SIPA1L1: variants seen among roughly 807,000 people sequenced by gnomAD.
SIPA1L1 encodes the protein signal-induced proliferation-associated 1-like protein 1.
In SIPA1L1, 26 loss-of-function variants were observed where a neutral mutation model predicts 162.7. The ratio of observed to expected loss-of-function variants is 0.16; its 90% CI spans 0.12 to 0.22. SIPA1L1 has a LOEUF of 0.22. Among genes scored for constraint, SIPA1L1 ranks in the 10% least tolerant of loss-of-function variants. The pLI is 1.00. For synonymous variants in SIPA1L1, 829 were observed against 837.4 expected, an observed-to-expected ratio of 0.99 and a Z score of 0.17; for missense variants, 1,874 against 2,241.0, an observed-to-expected ratio of 0.84 and a Z score of 3.31.
intron 2 of SIPA1L1, among the ~76,000 whole-genome samples, chr14:71,481,529 G>T (rs77132132): frequency 6.6e-6 from 1 of 151,326 alleles, no homozygotes; most frequent in Non-Finnish European, 1.5e-5. Context: ...AAAAAAAAAA[G>T]TCCCCAAAAA....
Position 71,447,893 on chromosome 14 carries a change from G to C in SIPA1L1, c.-464-64850G>C, listed in dbSNP as rs185761206. ...CTACTATTGATTTTTTTGTTAGAGT[G>C]GTATCCAGAATATTCATTTAATGTG... On this transcript the variant is annotated intron_variant, in intron 2 of 23. Coordinates refer to ENST00000381232, the MANE Select transcript of SIPA1L1 (RefSeq NM_001386936.1). 4.0e-3 allele frequency among the ~76,000 whole-genome samples: 604 copies of C among 152,072 alleles called. 11 individuals are homozygous for C. Among genetic ancestry groups the C allele is most frequent in the Middle Eastern group, 0.017 (5 of 294 alleles).
chr14:71,392,761 C>T (rs1039434688), intron 2 of SIPA1L1, among the ~76,000 whole-genome samples: 1 of 152,184 alleles, frequency 6.6e-6, no homozygotes, highest in Non-Finnish European at 1.5e-5. Flanking sequence ...TCTCAATCTC[C>T]TAACCTCGTG....
intron 2 of SIPA1L1, among the ~76,000 whole-genome samples, chr14:71,435,908 G>C (rs780205896): frequency 1.1e-4 from 16 of 152,124 alleles, no homozygotes; most frequent in Non-Finnish European, 1.8e-4. Flanking sequence ...GTTTTGATTT[G>C]CATTTCTCTG....
chr14:71,662,578 C>G (rs756018148), intron 10 of SIPA1L1, among the ~76,000 whole-genome samples: 7 of 152,200 alleles, frequency 4.6e-5, no homozygotes, highest in African/African-American at 9.7e-5. Context: ...CAGTTTGATT[C>G]TAGAGCCCAG....
intron 17 of SIPA1L1, among the ~76,000 whole-genome samples, chr14:71,720,282 G>C (rs576719797): frequency 3.3e-4 from 50 of 152,188 alleles, no homozygotes; most frequent in African/African-American, 1.2e-3. Context: ...ATAATTCTTA[G>C]ATTTACCCTT....
intron 2 of SIPA1L1, among the ~76,000 whole-genome samples, chr14:71,373,692 A>G (rs1263641859): frequency 6.6e-6 from 1 of 151,934 alleles, no homozygotes; most frequent in African/African-American, 2.4e-5. Flanking sequence ...GTATTTAAAA[A>G]TGTATATACT....
At chr14:71,614,777 G>C (rs973395278) in intron 5 of SIPA1L1, among the ~76,000 whole-genome samples, 6 of 152,126 alleles carry the variant, frequency 3.9e-5, no homozygotes, top group African/African-American at 1.4e-4. Context: ...ACAAAAAAAT[G>C]TAGTCAGGTT....
At chr14:71,325,862 C>T (rs984965394) in intron 2 of SIPA1L1, among the ~76,000 whole-genome samples, 5 of 152,020 alleles carry the variant, frequency 3.3e-5, no homozygotes, top group Admixed American at 1.3e-4. Flanking sequence ...GTTGAAATTG[C>T]GGGAAGCAGG....
chr14:71,608,894 A>G (rs893313191), intron 5 of SIPA1L1, among the ~76,000 whole-genome samples: 19 of 152,186 alleles, frequency 1.2e-4, no homozygotes, highest in Non-Finnish European at 2.4e-4. Context: ...TCTGTCTCAA[A>G]AAACAAAACA....
chr14:71,669,247 T>A (rs1184838695), intron 10 of SIPA1L1, among the ~76,000 whole-genome samples: 1 of 152,254 alleles, frequency 6.6e-6, no homozygotes, highest in Non-Finnish European at 1.5e-5. Flanking sequence ...TATAGCTGTT[T>A]CTAATTATTG....
chr14:71,656,910 C>G (rs2043106384), intron 8 of SIPA1L1, among the ~76,000 whole-genome samples: 1 of 152,108 alleles, frequency 6.6e-6, no homozygotes, highest in South Asian at 2.1e-4. Context: ...GGGGGTGGGC[C>G]CTGGGAATCT....
At chr14:71,373,657 C>T (rs1408910201) in intron 2 of SIPA1L1, among the ~76,000 whole-genome samples, 1 of 83,682 alleles carries the variant, frequency 1.2e-5, no homozygotes. Flanking sequence ...ACTCTGTCTC[C>T]AAAAAAAAAA....
At chr14:71,541,272 A>C (rs929180189) in intron 4 of SIPA1L1, among the ~76,000 whole-genome samples, 2 of 152,240 alleles carry the variant, frequency 1.3e-5, no homozygotes, top group African/African-American at 4.8e-5. Flanking sequence ...GGATGAGTAC[A>C]TTAACCAAGA....
At chr14:71,627,462 T>C (rs1662826026) in intron 7 of SIPA1L1, among the ~76,000 whole-genome samples, 1 of 152,104 alleles carries the variant, frequency 6.6e-6, no homozygotes, top group African/African-American at 2.4e-5. Context: ...TACTTAGTGA[T>C]GCCCATGTCA....
At chr14:71,400,135 A>G (rs930772170) in intron 2 of SIPA1L1, among the ~76,000 whole-genome samples, 2 of 151,936 alleles carry the variant, frequency 1.3e-5, no homozygotes, top group Non-Finnish European at 2.9e-5. Flanking sequence ...CAGCCCAAGA[A>G]CTCACATTTT....
Position 71,470,938 on chromosome 14 carries a change from C to T in SIPA1L1, c.-464-41805C>T, listed in dbSNP as rs531747031. On this transcript the variant is annotated intron_variant, in intron 2 of 23. Transcript: ENST00000381232. ...CTGCAAGCTCCGCCTCCTGGGTTCACGCCATTCTCCTGCCTCAGCCTCCCG... is the reference window on the plus strand; with the variant it reads ...CTGCAAGCTCCGCCTCCTGGGTTCATGCCATTCTCCTGCCTCAGCCTCCCG... 5.9e-5 allele frequency among the ~76,000 whole-genome samples: 9 copies of T among 152,026 alleles called. No homozygotes were observed. In the South Asian group the frequency reaches 6.2e-4, roughly 11 times the overall value.
intron 2 of SIPA1L1, among the ~76,000 whole-genome samples, chr14:71,454,862 T>A (rs2141670651): frequency 6.6e-6 from 1 of 152,336 alleles, no homozygotes. Context: ...TCACTGCGGT[T>A]ACTCCCTTTA....
chr14:71,431,670 G>A (rs1234683530), intron 2 of SIPA1L1, among the ~76,000 whole-genome samples: 1 of 151,978 alleles, frequency 6.6e-6, no homozygotes, highest in Non-Finnish European at 1.5e-5. Context: ...CTCCAGCCTG[G>A]GCAACAGAGG....
chr14:71,402,304 T>A (rs1358032295), intron 2 of SIPA1L1, among the ~76,000 whole-genome samples: 1 of 151,994 alleles, frequency 6.6e-6, no homozygotes, highest in Non-Finnish European at 1.5e-5. Flanking sequence ...AGGATTGTCT[T>A]GGGTTTAGAT....
Sources: allele counts gnomAD v4.1 joint callset (sites outside exome capture counted in the v4.1 genomes callset), GRCh38; gene constraint gnomAD v4.1.1; transcripts MANE v1.5; gene names NCBI Gene and HGNC (gene_info 2026-07-23, HGNC 2026-07-21).